The following JMJD1C variants were observed in gnomAD, a reference collection of about 807,000 sequenced individuals.
JMJD1C encodes the protein jumonji domain containing 1C.
In JMJD1C, 31 loss-of-function variants were observed where a neutral mutation model predicts 245.3. The ratio of observed to expected loss-of-function variants is 0.13; its 90% CI spans 0.09 to 0.17. The LOEUF is 0.17. JMJD1C is among the 10% of genes least tolerant of loss of function. The pLI is 1.00. For missense variants in JMJD1C, 2,691 were observed against 3,000.2 expected (o/e 0.90, Z 2.41); for synonymous variants, 1,057 against 1,017.4 (o/e 1.04, Z -0.74).
upstream of JMJD1C, among the ~76,000 whole-genome samples, chr10:63,468,850 G>C (rs968712635): frequency 6.6e-6 from 1 of 152,156 alleles, no homozygotes; most frequent in African/African-American, 2.4e-5. Flanking sequence ...ATGATGGCAT[G>C]TGTCTGTTGT....
rs77526386 is a variant in JMJD1C at position 63,376,706 on chromosome 10, T to A, written c.333+3612A>T. Among the ~76,000 whole-genome samples, 396 of 152,002 alleles carry A rather than the reference T, an allele frequency of 2.6e-3. 2 individuals carry two copies. The highest frequency in any genetic ancestry group is 9.0e-3 in the African/African-American group (372 of 41,470). On this transcript the variant is annotated intron_variant, in intron 2 of 25. Transcript: ENST00000399262. ...CATCACATTAAGCATTAGAAAAATA[T>A]AAAACAAAACCACAATGACATGCCA...
intron 1 of JMJD1C, among the ~76,000 whole-genome samples, chr10:63,444,302 C>T (rs892231797): frequency 1.3e-5 from 2 of 151,966 alleles, no homozygotes; most frequent in African/African-American, 4.8e-5. Context: ...GAGATAGAGT[C>T]TCACTCTGTC....
chr10:63,410,542 G>C (rs1054364418), intron 1 of JMJD1C, among the ~76,000 whole-genome samples: 1 of 152,122 alleles, frequency 6.6e-6, no homozygotes, highest in Non-Finnish European at 1.5e-5. Flanking sequence ...AGAATCCAGA[G>C]ACATAATTAT....
At position 63,260,652 on chromosome 10, in the gene JMJD1C, C is replaced by T. The variant is rs538987152; in HGVS notation, c.447+3999G>A. 1.6e-4 allele frequency among the ~76,000 whole-genome samples: 24 copies of T among 152,072 alleles called. No homozygotes were observed. The East Asian group carries it at 2.3e-3, about 15-fold the overall frequency. On this transcript the variant is annotated intron_variant, in intron 3 of 25. Transcript: ENST00000399262. ...TTGCCCAGGCTAGAGTGCAGTGGCG[C>T]GGTCTCGGCTCACTGAAACCTCTGC... is the stretch of plus-strand genomic sequence containing the variant.
rs34238197 is a variant in JMJD1C at position 63,338,640 on chromosome 10, A to ATTTTTT, written c.333+41672_333+41677dup. Among the ~76,000 whole-genome samples, 222 of 95,086 alleles carry ATTTTTT rather than the reference A, an allele frequency of 2.3e-3. 7 individuals are homozygous for ATTTTTT. Among genetic ancestry groups the ATTTTTT allele is most frequent in the African/African-American group, 7.7e-3 (182 of 23,744 alleles). 62.4% of individuals were successfully genotyped at this position (95,086 alleles called of 152,430 possible). Reference sequence around the variant, plus strand: ...AATCAAATATCTTTCTGCTCCTTAGATTTTTTTTTTTTTTTTTTTTTTTTT... The same window carrying ATTTTTT: ...AATCAAATATCTTTCTGCTCCTTAGATTTTTTTTTTTTTTTTTTTTTTTTTTTTTTT... On this transcript the variant is annotated intron_variant, in intron 2 of 25. Coordinates refer to ENST00000399262, the MANE Select transcript of JMJD1C (RefSeq NM_032776.3).
chr10:63,258,257 G>C (rs1854229531), intron 3 of JMJD1C, among the ~76,000 whole-genome samples: 1 of 152,154 alleles, frequency 6.6e-6, no homozygotes, highest in South Asian at 2.1e-4. Context: ...GCTAACAAAT[G>C]CTAAAGGTAA....
At chr10:63,387,801 A>C (rs2134567811) in intron 1 of JMJD1C, among the ~76,000 whole-genome samples, 1 of 151,328 alleles carries the variant, frequency 6.6e-6, no homozygotes, top group African/African-American at 2.4e-5. Flanking sequence ...ATGCCCGGCT[A>C]ATTTTTTGTA....
chr10:63,373,777 T>C (rs191587404), intron 2 of JMJD1C, among the ~76,000 whole-genome samples: 82 of 152,328 alleles, frequency 5.4e-4, no homozygotes, highest in African/African-American at 1.9e-3. Flanking sequence ...CATTACGCTG[T>C]AGGAATTTTA....
intron 1 of JMJD1C, among the ~76,000 whole-genome samples, chr10:63,423,829 T>A (rs1019709805): frequency 3.9e-5 from 6 of 152,198 alleles, no homozygotes; most frequent in Admixed American, 6.5e-5. Context: ...TTGTATTTTT[T>A]AAAAAAATTA....
chr10:63,366,439 T>G (rs2134398380), intron 2 of JMJD1C, among the ~76,000 whole-genome samples: 1 of 152,344 alleles, frequency 6.6e-6, no homozygotes, highest in African/African-American at 2.4e-5. Flanking sequence ...CGTAACAAAC[T>G]ATAGCCATGA....
intron 2 of JMJD1C, among the ~76,000 whole-genome samples, chr10:63,355,515 T>C (rs184968902): frequency 1.3e-5 from 2 of 152,180 alleles, no homozygotes; most frequent in African/African-American, 4.8e-5. Context: ...TATAAAACTC[T>C]TGAAACAGAG....
intron 1 of JMJD1C, among the ~76,000 whole-genome samples, chr10:63,516,842 C>T (rs1955031137): frequency 2.0e-5 from 3 of 152,146 alleles, no homozygotes; most frequent in Admixed American, 2.0e-4. Flanking sequence ...TATTCTATTG[C>T]TATCTGATCA....
intron 2 of JMJD1C, among the ~76,000 whole-genome samples, chr10:63,289,208 C>T (rs1047458309): frequency 6.6e-6 from 1 of 152,074 alleles, no homozygotes; most frequent in African/African-American, 2.4e-5. Context: ...TATAAAAAAT[C>T]CAGAACTAGT....
chr10:63,511,065 T>C (rs2133283466), intron 1 of JMJD1C, among the ~76,000 whole-genome samples: 1 of 152,264 alleles, frequency 6.6e-6, no homozygotes, highest in East Asian at 1.9e-4. Flanking sequence ...TTTGTGTCTT[T>C]AAACTTAAAG....
Position 63,256,991 on chromosome 10 carries a change from T to G in JMJD1C, c.447+7660A>C, listed in dbSNP as rs539399566. Among the ~76,000 whole-genome samples the G allele has an allele frequency of 7.2e-5, 11 of 151,896 alleles. No homozygotes were observed. The East Asian group carries it at 1.7e-3, about 24-fold the overall frequency. The stretch of plus-strand genomic sequence containing the variant: ...GGCTTACACCTGTAATCCGAACACG[T>G]TGGGAGGCCGAGGTGGGAGGATTAC... On this transcript the variant is annotated intron_variant, in intron 3 of 25. Coordinates refer to ENST00000399262, the MANE Select transcript of JMJD1C (RefSeq NM_032776.3).
rs564534189 is a variant in JMJD1C, at chr10:63,380,224, G to A, written c.333+94C>T. Reference sequence around the variant, plus strand: ...CTCTCAAAGTGCTAGTTTTACAGGTGTCAGTCACCAAACCTGGCCTTTGTT... The same window carrying A: ...CTCTCAAAGTGCTAGTTTTACAGGTATCAGTCACCAAACCTGGCCTTTGTT... On this transcript the variant is annotated intron_variant, in intron 2 of 25. Transcript: ENST00000399262. The A allele has an allele frequency of 1.9e-5, 23 of 1,230,288 alleles. 1 individual carries two copies. Among genetic ancestry groups the A allele is most frequent in the African/African-American group, 1.2e-4 (8 of 67,362 alleles). The allele number at this position is 1,230,288 out of a possible 1,614,324, so 76.2% of individuals were successfully genotyped here. A position where few individuals can be genotyped will look rare whatever the true frequency, so the allele number is the denominator to read the frequency against.
chr10:63,392,020 A>C (rs1948095266), intron 1 of JMJD1C, among the ~76,000 whole-genome samples: 1 of 152,178 alleles, frequency 6.6e-6, no homozygotes, highest in Non-Finnish European at 1.5e-5. Flanking sequence ...AAAACCACTG[A>C]TTTCTTTCAC....
chr10:63,302,363 GT>G, intron 2 of JMJD1C, among the ~76,000 whole-genome samples: 1 of 152,266 alleles, frequency 6.6e-6, no homozygotes, highest in Admixed American at 6.5e-5. Context: ...CTTTATATCT[GT>G]ATATACTCAT....
intron 2 of JMJD1C, among the ~76,000 whole-genome samples, chr10:63,335,580 C>T (rs1467426289): frequency 1.3e-5 from 2 of 152,124 alleles, no homozygotes; most frequent in Admixed American, 6.5e-5. Context: ...GGCACAATCC[C>T]GGCTCACCGC....
Sources: allele counts gnomAD v4.1 joint callset (sites outside exome capture counted in the v4.1 genomes callset), GRCh38; gene constraint gnomAD v4.1.1; transcripts MANE v1.5; gene names NCBI Gene and HGNC (gene_info 2026-07-23, HGNC 2026-07-21).